The following RYR2 variants were observed in gnomAD, a reference collection of about 807,000 sequenced individuals.
RYR2 encodes the protein ryanodine receptor 2, also known as cardiac muscle ryanodine receptor-calcium release channel.
Under a neutral mutation model 601.1 loss-of-function variants are expected in RYR2, and 227 were observed. The ratio of observed to expected loss-of-function variants is 0.38; its 90% confidence interval spans 0.34 to 0.42. The LOEUF is 0.42. Among genes scored for constraint, RYR2 ranks in the 10% least tolerant of loss-of-function variants. The probability of loss-of-function intolerance (pLI) is 1.00; values close to 1 mark genes in which losing one functional copy is unlikely to be tolerated. For missense variants in RYR2, 4,646 were observed against 6,156.5 expected, an observed-to-expected ratio of 0.75 and a Z score of 8.21; for synonymous variants, 2,223 against 2,175.1, an observed-to-expected ratio of 1.02 and a Z score of -0.61.
intron 1 of RYR2, among the ~76,000 whole-genome samples, chr1:237,073,624 A>G (rs997830461): frequency 6.6e-6 from 1 of 152,130 alleles, no homozygotes; most frequent in Non-Finnish European, 1.5e-5. Flanking sequence ...GTAATCCCAC[A>G]CTTTGGGAGG....
intron 77 of RYR2, among the ~76,000 whole-genome samples, 176 bp from the exon 78 acceptor site, chr1:237,731,870 G>A (rs1690709406): frequency 7.0e-6 from 1 of 142,856 alleles, no homozygotes; most frequent in Admixed American, 7.4e-5. Flanking sequence ...TACATATATA[G>A]CATGTATAAT....
chr1:237,369,179 A>T (rs1383176265), intron 5 of RYR2, among the ~76,000 whole-genome samples: 1 of 152,146 alleles, frequency 6.6e-6, no homozygotes, highest in East Asian at 1.9e-4. Flanking sequence ...AGGCACCTGG[A>T]ATACAATGGT....
At chr1:237,511,833 TGAAA>T in intron 24 of RYR2, 42 bp downstream of exon 24, 3 of 274,654 alleles carry the variant, frequency 1.1e-5, no homozygotes, top group Non-Finnish European at 1.7e-5. Flanking sequence ...CTGCCTTCCC[TGAAA>T]AAAAAAAAAA....
chr1:237,575,529 CTT>C (rs1191393988), intron 29 of RYR2, among the ~76,000 whole-genome samples: 4 of 152,068 alleles, frequency 2.6e-5, no homozygotes, highest in African/African-American at 4.8e-5. Context: ...TGAGATCTCT[CTT>C]CTTTCCCCCC....
At chr1:237,574,196 C>A (rs1248604216) in intron 29 of RYR2, among the ~76,000 whole-genome samples, 1 of 152,088 alleles carries the variant, frequency 6.6e-6, no homozygotes, top group East Asian at 1.9e-4. Context: ...TTTAAAAGAC[C>A]CCTTGGACTG....
chr1:237,319,902 A>G (rs1470856653), intron 2 of RYR2, among the ~76,000 whole-genome samples: 1 of 152,184 alleles, frequency 6.6e-6, no homozygotes, highest in African/African-American at 2.4e-5. Context: ...ACTTTCATAG[A>G]TGGTGCAGTG....
chr1:237,733,499 C>A (rs1478198709), intron 78 of RYR2, among the ~76,000 whole-genome samples: 1 of 152,196 alleles, frequency 6.6e-6, no homozygotes, highest in Non-Finnish European at 1.5e-5. Flanking sequence ...TAAGATGGGA[C>A]AGCTATTTAG....
chr1:237,556,637 G>A (rs2148159453), intron 27 of RYR2, among the ~76,000 whole-genome samples: 1 of 151,648 alleles, frequency 6.6e-6, no homozygotes, highest in Non-Finnish European at 1.5e-5. Context: ...ACATAGATAT[G>A]GAACACCTAC....
At chr1:237,701,672 AC>A (rs1186283367) in intron 65 of RYR2, among the ~76,000 whole-genome samples, 2 of 151,564 alleles carry the variant, frequency 1.3e-5, no homozygotes, top group Non-Finnish European at 2.9e-5. Context: ...CTCGTCATCC[AC>A]CCCCTCCTGC....
At chr1:237,646,671 A>T (rs188797462) in intron 48 of RYR2, among the ~76,000 whole-genome samples, 1 of 152,322 alleles carries the variant, frequency 6.6e-6, no homozygotes, top group Admixed American at 6.5e-5. Flanking sequence ...TATGCCTCAG[A>T]ATAATAATGA....
intron 14 of RYR2, 64 bp downstream of exon 14, chr1:237,445,586 A>G: frequency 1.3e-6 from 2 of 1,585,614 alleles, no homozygotes; most frequent in Non-Finnish European, 1.7e-6. Context: ...TTGGATATGC[A>G]AATAGACAAT....
chr1:237,541,018 A>T (rs764033535), intron 25 of RYR2, among the ~76,000 whole-genome samples: 1 of 152,232 alleles, frequency 6.6e-6, no homozygotes, highest in Non-Finnish European at 1.5e-5. Context: ...TACTGTTTAC[A>T]TAGACACAAG....
intron 3 of RYR2, among the ~76,000 whole-genome samples, chr1:237,335,805 A>G (rs575590480): frequency 4.9e-4 from 74 of 152,276 alleles, no homozygotes; most frequent in African/African-American, 1.7e-3. Context: ...TCATTCATTC[A>G]TTTGCTATAT....
rs947004420 is a variant in RYR2 at position 237,284,762 on chromosome 1, TTTATTA to T, written c.168+14158_168+14163del. Among the ~76,000 whole-genome samples the T allele has an allele frequency of 2.8e-4, 43 of 151,248 alleles. No individual in the cohort carries two copies. The East Asian group carries it at 6.8e-3, about 24-fold the overall frequency. ...TCCACTTGTTGAAGATGGGCATTTT[TTTATTA>T]TTATTATTATTTTCTGCAGCTATTG... On this transcript the variant is annotated intron_variant, in intron 2 of 104. Transcript: ENST00000366574.
intron 60 of RYR2, among the ~76,000 whole-genome samples, chr1:237,675,925 A>G (rs995187032): frequency 1.5e-4 from 23 of 152,148 alleles, no homozygotes; most frequent in African/African-American, 5.3e-4. Context: ...AAAAGCTTAC[A>G]CTACAAGCTA....
At position 237,227,250 on chromosome 1, in the gene RYR2, C is replaced by CA. The variant is rs374947905; in HGVS notation, c.49-43239dup. Among the ~76,000 whole-genome samples, 1,336 of 151,326 alleles carry CA rather than the reference C, an allele frequency of 8.8e-3. 17 individuals carry two copies. Among genetic ancestry groups the CA allele is most frequent in the African/African-American group, 0.03 (1,256 of 41,266 alleles). On this transcript the variant is annotated intron_variant, in intron 1 of 104. Transcript: ENST00000366574. Reference sequence around the variant, plus strand: ...GAGTAGGTTTTATATGTCCCCACCACAAAAAAAAGGTTGATTATGAGAGGT... The same window carrying CA: ...GAGTAGGTTTTATATGTCCCCACCACAAAAAAAAAGGTTGATTATGAGAGGT...
intron 1 of RYR2, among the ~76,000 whole-genome samples, chr1:237,227,910 C>T (rs1469267070): frequency 1.3e-5 from 2 of 151,496 alleles, no homozygotes; most frequent in Non-Finnish European, 2.9e-5. Context: ...TATTTAGAAG[C>T]TTGGTGGTGT....
At chr1:237,441,673 CAT>C (rs768832679) in intron 13 of RYR2, among the ~76,000 whole-genome samples, 190 bp downstream of exon 13, 4 of 152,072 alleles carry the variant, frequency 2.6e-5, no homozygotes, top group Non-Finnish European at 4.4e-5. Flanking sequence ...TTACATCACT[CAT>C]ATATAGGATT....
At chr1:237,353,801 T>C (rs146183292) in intron 3 of RYR2, among the ~76,000 whole-genome samples, 2 of 152,340 alleles carry the variant, frequency 1.3e-5, no homozygotes, top group African/African-American at 4.8e-5. Flanking sequence ...AATCCACATA[T>C]ATTTTTAAAA....
Sources: allele counts gnomAD v4.1 joint callset (sites outside exome capture counted in the v4.1 genomes callset), GRCh38; gene constraint gnomAD v4.1.1; transcripts MANE v1.5; gene names NCBI Gene and HGNC (gene_info 2026-07-23, HGNC 2026-07-21).